ANKRD1: variants seen among roughly 807,000 people sequenced by gnomAD.
ANKRD1 encodes ankyrin repeat domain 1.
A neutral mutation model predicts 40.1 loss-of-function variants in ANKRD1; 32 were observed. The ratio of observed to expected loss-of-function variants is 0.80; its 90% CI spans 0.60 to 1.07. The LOEUF is 1.07. Ranked by LOEUF, ANKRD1 falls within the 50% of genes least tolerant of loss-of-function variation. The pLI, the probability that ANKRD1 is intolerant of heterozygous loss-of-function variation, is 0.00. For missense variants in ANKRD1, 359 were observed against 386.0 expected (o/e 0.93, Z 0.59); for synonymous variants, 149 against 141.2 (o/e 1.06, Z -0.39).
rs752709525 is a variant in ANKRD1 at position 90,918,520 on chromosome 10, G to A, written c.453+345C>T. 5.3e-5 allele frequency among the ~76,000 whole-genome samples: 8 copies of A among 151,878 alleles called. No individual in the cohort carries two copies. The Middle Eastern group carries it at 0.014, about 258-fold the overall frequency. On this transcript the variant is annotated intron_variant, in intron 4 of 8. Transcript: ENST00000371697. ...TCCAGATTTCTTATCTAGTGTTGAC[G>A]TGCTTGGTTTTAATCAAAGATGATG...
chr10:90,915,397 C>A, intron 8 of ANKRD1, 146 bp downstream of exon 8: 1 of 757,922 alleles, frequency 1.3e-6, no homozygotes, highest in Non-Finnish European at 2.3e-6. Flanking sequence ...CCAAGATAAA[C>A]ACTGTCCTTG....
Position 90,916,276 on chromosome 10 carries a change from C to T in ANKRD1, c.553-7G>A, listed in dbSNP as rs1847373596. On this transcript the variant is annotated splice_polypyrimidine_tract_variant and splice_region_variant and intron_variant, in intron 5 of 8. Coordinates refer to ENST00000371697, the MANE Select transcript of ANKRD1 (RefSeq NM_014391.3). Reference sequence around the variant, plus strand: ...GGATGGCTGTGGATTCAAGCTATACCGGGAGGGAAGACCCGACAATGTGAA... The same window carrying T: ...GGATGGCTGTGGATTCAAGCTATACTGGGAGGGAAGACCCGACAATGTGAA... 1.2e-6 allele frequency: 2 copies of T among 1,606,838 alleles called. No homozygotes were observed. Among genetic ancestry groups the T allele is most frequent in the East Asian group, 2.2e-5 (1 of 44,810 alleles).
At chr10:90,918,379 A>T (rs1206378702) in intron 4 of ANKRD1, among the ~76,000 whole-genome samples, 1 of 152,128 alleles carries the variant, frequency 6.6e-6, no homozygotes, top group Non-Finnish European at 1.5e-5. Flanking sequence ...TTTAGGCGTT[A>T]TTTCACTCCA....
intron 5 of ANKRD1, among the ~76,000 whole-genome samples, chr10:90,917,215 A>G (rs1193978380): frequency 1.3e-5 from 2 of 152,208 alleles, no homozygotes; most frequent in African/African-American, 4.8e-5. Flanking sequence ...ATTATGCTGC[A>G]TACTGGTCTT....
At chr10:90,918,997 T>G in intron 3 of ANKRD1, 25 bp from the exon 4 acceptor site, 1 of 181,362 alleles carries the variant, frequency 5.5e-6, no homozygotes, top group Non-Finnish European at 9.4e-6. Flanking sequence ...AATAAATATA[T>G]ATATATATAT....
chr10:90,914,850 A>G (rs187977157), intron 8 of ANKRD1, among the ~76,000 whole-genome samples: 1 of 151,888 alleles, frequency 6.6e-6, no homozygotes, highest in Admixed American at 6.6e-5. Context: ...TTGTCTGGAA[A>G]TTGAGACCAT....
At chr10:90,920,737 C>T (rs1201677075) in intron 1 of ANKRD1, among the ~76,000 whole-genome samples, 2 of 152,160 alleles carry the variant, frequency 1.3e-5, no homozygotes, top group East Asian at 3.8e-4. Flanking sequence ...TTCCCTAAGA[C>T]ATTTTGATAA....
chr10:90,920,950 A>G lies in ANKRD1; in HGVS notation c.27+51T>C. The G allele has an allele frequency of 3.2e-6, 5 of 1,575,496 alleles. 1 individual carries two copies. The South Asian group carries it at 5.5e-5, about 17-fold the overall frequency. On this transcript the variant is annotated intron_variant, in intron 1 of 8. Transcript: ENST00000371697. ...AAAGGGCATTTCAATTTTCAAATAAAAACCAAGATGAACCAGTTTTCATTT... is the reference window on the plus strand; with the variant it reads ...AAAGGGCATTTCAATTTTCAAATAAGAACCAAGATGAACCAGTTTTCATTT...
Position 90,912,719 on chromosome 10 carries a change from A to G in ANKRD1, c.*147T>C, listed in dbSNP as rs1847328833. The G allele has an allele frequency of 1.3e-6, 1 of 779,838 alleles. No individual in the cohort carries two copies. Among genetic ancestry groups the G allele is most frequent in the East Asian group, 2.5e-5 (1 of 40,000 alleles). The allele number at this position is 779,838 out of a possible 1,614,324, so 48.3% of individuals were successfully genotyped here. ...ACTAAAGGAAATTTAAACACCTATA[A>G]CCCTGTGCTTTCTCAAAACTTCATT... is the stretch of plus-strand genomic sequence containing the variant. On this transcript the variant is annotated 3_prime_UTR_variant, in exon 9 of 9. Transcript: ENST00000371697.
In ANKRD1 at chr10:90,919,236, C is replaced by A. The variant is rs1472596628; in HGVS notation, c.240G>T (p.Lys80Asn). The change falls in exon 3 of 9, where the codon AAG becomes AAT. Residue 80 changes from lysine to asparagine, a missense_variant. Lys to Asn is a moderately conservative substitution (Grantham distance 94). Transcript: ENST00000371697. ...LKKKKLEQRS[K>N]LENLEDLEII... The stretch of plus-strand genomic sequence containing the variant: ...TTTCAAGGTCTTCTAAATTTTCAAG[C>A]TTTGATCTTTGTTCTAGTTTTTTCT... 1 of 1,608,350 alleles carries A rather than the reference C, an allele frequency of 6.2e-7. No homozygotes were observed.
intron 5 of ANKRD1, among the ~76,000 whole-genome samples, chr10:90,917,190 A>G (rs1042320718): frequency 6.6e-5 from 10 of 152,240 alleles, no homozygotes; most frequent in African/African-American, 1.9e-4. Flanking sequence ...TCCCAGCTCA[A>G]TCTTCAGTTC....
At chr10:90,916,860 CTG>C (rs1212122483) in intron 5 of ANKRD1, among the ~76,000 whole-genome samples, 1 of 152,150 alleles carries the variant, frequency 6.6e-6, no homozygotes, top group African/African-American at 2.4e-5. Context: ...TTCTCTACTT[CTG>C]TGGGTTTTCT....
Position 90,918,991 on chromosome 10 carries a change from A to AATAT in ANKRD1, c.346-23_346-20dup, listed in dbSNP as rs60406118. The AATAT allele has an allele frequency of 3.6e-3, 957 of 268,150 alleles. 17 individuals are homozygous for AATAT. Among genetic ancestry groups the AATAT allele is most frequent in the African/African-American group, 0.033 (479 of 14,658 alleles). The allele number at this position is 268,150 out of a possible 1,614,324, so 16.6% of individuals were successfully genotyped here. A position where few individuals can be genotyped will look rare whatever the true frequency, so the allele number is the denominator to read the frequency against. The stretch of plus-strand genomic sequence containing the variant: ...GTTCCGTCTAAAGCCAAAATAAATA[A>AATAT]ATATATATATATATATATATATATA... On this transcript the variant is annotated intron_variant, in intron 3 of 8. Coordinates refer to ENST00000371697, the MANE Select transcript of ANKRD1 (RefSeq NM_014391.3).
At position 90,917,726 on chromosome 10, in the gene ANKRD1, AT is replaced by A. The variant is rs1847386725; in HGVS notation, c.552+5del. On this transcript the variant is annotated splice_donor_5th_base_variant and intron_variant, in intron 5 of 8. Coordinates refer to ENST00000371697, the MANE Select transcript of ANKRD1 (RefSeq NM_014391.3). ...GGCTCATTCCCAAGCAAAGAAATATATTTACCATATCACGGAATTCGATCTG... is the reference window on the plus strand; with the variant it reads ...GGCTCATTCCCAAGCAAAGAAATATATTACCATATCACGGAATTCGATCTG... 6.2e-7 allele frequency: 1 copy of A among 1,612,510 alleles called. No individual in the cohort carries two copies. Among genetic ancestry groups the A allele is most frequent in the African/African-American group, 1.3e-5 (1 of 75,016 alleles).
chr10:90,918,985 TAA>T lies in ANKRD1; in HGVS notation c.346-15_346-14del, dbSNP rs794728971. 0.13 allele frequency: 38,164 copies of T among 296,658 alleles called. 1,032 individuals are homozygous for T. The highest frequency in any genetic ancestry group is 0.15 in the Non-Finnish European group (28,621 of 185,918). 18.4% of individuals were successfully genotyped at this position (296,658 alleles called of 1,614,324 possible). ...CCACAGGTTCCGTCTAAAGCCAAAA[TAA>T]ATAAATATATATATATATATATATA... is the stretch of plus-strand genomic sequence containing the variant. On this transcript the variant is annotated splice_polypyrimidine_tract_variant and intron_variant, in intron 3 of 8. Transcript: ENST00000371697.
Position 90,912,771 on chromosome 10 carries a change from A to T in ANKRD1, c.*95T>A. The T allele has an allele frequency of 8.5e-7, 1 of 1,170,804 alleles. No individual in the cohort carries two copies. The highest frequency in any genetic ancestry group is 1.2e-5 in the South Asian group (1 of 81,594). The allele number at this position is 1,170,804 out of a possible 1,614,324, so 72.5% of individuals were successfully genotyped here. A position where few individuals can be genotyped will look rare whatever the true frequency, so the allele number is the denominator to read the frequency against. On this transcript the variant is annotated 3_prime_UTR_variant, in exon 9 of 9. Transcript: ENST00000371697. The stretch of plus-strand genomic sequence containing the variant: ...GGTACATCTTCACAACACGTTGATA[A>T]ATAGAAACTAGATTTTATGGCTAGT...
Position 90,912,805 on chromosome 10 carries a change from T to C in ANKRD1, c.*61A>G. The C allele has an allele frequency of 1.4e-6, 2 of 1,454,552 alleles. No individual in the cohort carries two copies. Among genetic ancestry groups the C allele is most frequent in the Non-Finnish European group, 1.9e-6 (2 of 1,034,906 alleles). The allele number at this position is 1,454,552 out of a possible 1,614,324, so 90.1% of individuals were successfully genotyped here. On this transcript the variant is annotated 3_prime_UTR_variant, in exon 9 of 9. Transcript: ENST00000371697. ...TAGATTTTATGGCTAGTGTCTCTTCTCTTGGGCCATGCCTTCAAAATGCCA... is the reference window on the plus strand; with the variant it reads ...TAGATTTTATGGCTAGTGTCTCTTCCCTTGGGCCATGCCTTCAAAATGCCA...
At chr10:90,920,899 A>T (rs114861196) in intron 1 of ANKRD1, 102 bp downstream of exon 1, 85 of 1,120,582 alleles carry the variant, frequency 7.6e-5, no homozygotes, top group Non-Finnish European at 1.1e-4. Context: ...ACATTTTCAG[A>T]GTTCCCTTGC....
In ANKRD1 at chr10:90,918,981, A is replaced by AAAAT. The variant is rs397517250; in HGVS notation, c.346-13_346-10dup. 195 of 1,312,720 alleles carry AAAAT rather than the reference A, an allele frequency of 1.5e-4. 9 individuals are homozygous for AAAAT. In the African/African-American group the frequency reaches 3.7e-3, roughly 25 times the overall value. The allele number at this position is 1,312,720 out of a possible 1,614,324, so 81.3% of individuals were successfully genotyped here. A position where few individuals can be genotyped will look rare whatever the true frequency, so the allele number is the denominator to read the frequency against. On this transcript the variant is annotated splice_polypyrimidine_tract_variant and intron_variant, in intron 3 of 8. Coordinates refer to ENST00000371697, the MANE Select transcript of ANKRD1 (RefSeq NM_014391.3). ...ACATCCACAGGTTCCGTCTAAAGCC[A>AAAAT]AAATAAATAAATATATATATATATA...
Sources: allele counts gnomAD v4.1 joint callset (sites outside exome capture counted in the v4.1 genomes callset), GRCh38; gene constraint gnomAD v4.1.1; transcripts MANE v1.5; gene names NCBI Gene and HGNC (gene_info 2026-07-23, HGNC 2026-07-21).